The following TENM2 variants were observed in gnomAD, a reference collection of about 807,000 sequenced individuals.
TENM2 encodes teneurin-2.
A neutral mutation model predicts 245.2 loss-of-function variants in TENM2; 52 were observed. The observed-to-expected ratio is 0.21, with a 90% CI of 0.17 to 0.27. The LOEUF is 0.27. TENM2 is among the 10% of genes least tolerant of loss of function. The pLI is 1.00. For missense variants in TENM2, 3,046 were observed against 3,666.8 expected, an observed-to-expected ratio of 0.83 and a Z score of 4.37; for synonymous variants, 1,363 against 1,438.9, an observed-to-expected ratio of 0.95 and a Z score of 1.19.
At chr5:167,238,310 A>G in the TENM2 span, among the ~76,000 whole-genome samples, 1 of 152,162 alleles carries the variant, frequency 6.6e-6, no homozygotes, top group East Asian at 1.9e-4. Context: ...ATTATACAGT[A>G]ATGTATCATA....
intron 1 of TENM2, among the ~76,000 whole-genome samples, chr5:167,362,667 T>C (rs1759787153): frequency 1.3e-5 from 2 of 152,232 alleles, no homozygotes; most frequent in Admixed American, 6.5e-5. Flanking sequence ...TAGCAGCGTC[T>C]CTACTGATAT....
intron 2 of TENM2, among the ~76,000 whole-genome samples, chr5:167,510,929 T>C (rs892393534): frequency 7.0e-6 from 1 of 143,378 alleles, no homozygotes; most frequent in Non-Finnish European, 1.6e-5. Flanking sequence ...TTAAGTACAC[T>C]GTGAGATAAT....
chr5:168,204,236 A>G (rs1762169648), intron 18 of TENM2, 136 bp from the exon 21 acceptor site: 1 of 936,112 alleles, frequency 1.1e-6, no homozygotes, highest in Non-Finnish European at 1.6e-6. Flanking sequence ...AGCTCTCTCC[A>G]CATTGTGAAG....
intron 2 of TENM2, among the ~76,000 whole-genome samples, chr5:167,558,860 T>C (rs777929649): frequency 2.6e-5 from 4 of 151,762 alleles, no homozygotes; most frequent in Admixed American, 6.6e-5. Flanking sequence ...GCCAAAAAGG[T>C]TGGGGACTGC....
the TENM2 span, among the ~76,000 whole-genome samples, chr5:167,104,802 G>C: frequency 6.6e-6 from 1 of 152,104 alleles, no homozygotes; most frequent in Non-Finnish European, 1.5e-5. Context: ...CTTATCAGTA[G>C]AACTCCACCA....
At chr5:167,923,250 T>G (rs1777506429) in intron 3 of TENM2, among the ~76,000 whole-genome samples, 1 of 149,932 alleles carries the variant, frequency 6.7e-6, no homozygotes. Flanking sequence ...ACCCGAGAGG[T>G]GGAGGTTGCA....
intron 2 of TENM2, among the ~76,000 whole-genome samples, chr5:167,792,418 T>C (rs1765041165): frequency 6.6e-6 from 1 of 151,930 alleles, no homozygotes; most frequent in African/African-American, 2.4e-5. Flanking sequence ...AGGGCCCATT[T>C]CCCCATTATT....
intron 13 of TENM2, 96 bp from the exon 16 acceptor site, chr5:168,190,241 C>A: frequency 1.1e-6 from 1 of 899,148 alleles, no homozygotes; most frequent in Non-Finnish European, 1.7e-6. Flanking sequence ...ACGTTTGATG[C>A]TGCTCATGCC....
At chr5:168,225,009 G>A (rs887967603) in intron 23 of TENM2, among the ~76,000 whole-genome samples, 8 of 152,306 alleles carry the variant, frequency 5.3e-5, no homozygotes, top group South Asian at 4.2e-4. Flanking sequence ...GAGGAAAGAC[G>A]ACACATATAC....
chr5:168,245,287 A>G (rs766862881), intron 26 of TENM2, among the ~76,000 whole-genome samples: 1 of 151,976 alleles, frequency 6.6e-6, no homozygotes, highest in African/African-American at 2.4e-5. Context: ...GTCTGATTCT[A>G]TTTCAAAAAA....
At chr5:168,127,717 A>G (rs1795955382) in intron 12 of TENM2, among the ~76,000 whole-genome samples, 1 of 152,312 alleles carries the variant, frequency 6.6e-6, no homozygotes, top group Middle Eastern at 3.4e-3. Flanking sequence ...CACATCTCTC[A>G]GACAGTTGGG....
At chr5:167,844,558 C>T (rs990519275) in intron 2 of TENM2, among the ~76,000 whole-genome samples, 1 of 152,170 alleles carries the variant, frequency 6.6e-6, no homozygotes, top group African/African-American at 2.4e-5. Context: ...ATTCTTTGGT[C>T]TGAATCACCA....
chr5:168,174,733 T>A (rs1759190107), intron 13 of TENM2, among the ~76,000 whole-genome samples: 1 of 152,206 alleles, frequency 6.6e-6, no homozygotes, highest in Non-Finnish European at 1.5e-5. Flanking sequence ...CAAACAGCTC[T>A]GCATCCTGAG....
At chr5:167,729,569 A>G (rs1760271438) in intron 2 of TENM2, among the ~76,000 whole-genome samples, 1 of 152,190 alleles carries the variant, frequency 6.6e-6, no homozygotes, top group African/African-American at 2.4e-5. Context: ...CAACTGGGAA[A>G]TGTCAATTAA....
At chr5:167,677,401 C>CTT (rs570659400) in intron 2 of TENM2, among the ~76,000 whole-genome samples, 1 of 145,890 alleles carries the variant, frequency 6.9e-6, no homozygotes, top group Non-Finnish European at 1.5e-5. Flanking sequence ...AGAACAACTG[C>CTT]TTTTTTTTTT....
intron 4 of TENM2, among the ~76,000 whole-genome samples, chr5:167,974,503 G>A (rs1382043656): frequency 2.6e-5 from 4 of 152,076 alleles, no homozygotes; most frequent in Non-Finnish European, 5.9e-5. Flanking sequence ...AAAGTAGGCA[G>A]TCTATGGGAT....
chr5:168,176,410 C>G (rs1246403822), intron 13 of TENM2, among the ~76,000 whole-genome samples: 1 of 152,218 alleles, frequency 6.6e-6, no homozygotes, highest in Non-Finnish European at 1.5e-5. Context: ...ACACTTTCAC[C>G]CTAGGCTTCT....
chr5:167,723,778 A>G (rs1255174139), intron 2 of TENM2, among the ~76,000 whole-genome samples: 1 of 152,196 alleles, frequency 6.6e-6, no homozygotes, highest in Admixed American at 6.5e-5. Context: ...TAGACCAAGC[A>G]TGTAGTAGGT....
At chr5:168,090,130 A>G (rs1238223018) in intron 7 of TENM2, among the ~76,000 whole-genome samples, 2 of 151,520 alleles carry the variant, frequency 1.3e-5, no homozygotes, top group African/African-American at 4.8e-5. Flanking sequence ...CAGAATTTGG[A>G]GGATTATGGA....
Sources: gnomAD v4.1 joint callset for allele counts (sites outside exome capture counted in the v4.1 genomes callset) on GRCh38, gnomAD v4.1.1 for gene constraint, MANE v1.5 for transcripts, NCBI Gene and HGNC (gene_info 2026-07-23, HGNC 2026-07-21) for gene names.